Variants in ARID3A observed in about 807,000 individuals in gnomAD.
ARID3A encodes AT-rich interaction domain 3A.
ARID3A carries 11 observed loss-of-function variants against 52.7 expected under a neutral mutation model. The observed-to-expected ratio is 0.21, with a 90% confidence interval of 0.13 to 0.35. ARID3A has a LOEUF of 0.35. Among genes scored for constraint, ARID3A ranks in the 10% least tolerant of loss-of-function variants. The pLI, the probability that ARID3A is intolerant of heterozygous loss-of-function variation, is 1.00. For missense variants in ARID3A, 721 were observed against 838.5 expected, an observed-to-expected ratio of 0.86 and a Z score of 1.73; for synonymous variants, 404 against 359.4, an observed-to-expected ratio of 1.12 and a Z score of -1.40.
At position 960,595 on chromosome 19, in the gene ARID3A, C is replaced by T. The variant is rs1016374258; in HGVS notation, c.766+431C>T. On this transcript the variant is annotated intron_variant, in intron 4 of 8. Coordinates refer to ENST00000263620, the MANE Select transcript of ARID3A (RefSeq NM_005224.3). This position sits in a 1 kb window ranked among gnomAD's most constrained non-coding sequence, Gnocchi z 4.3. ...GCAGGACAGAAGCCCCCCGCCCGGC[C>T]GCGAGATGGCTTAGAGTCTAATGAT... Among the ~76,000 whole-genome samples the T allele has an allele frequency of 3.9e-5, 6 of 152,120 alleles. No homozygotes were observed. The highest frequency in any genetic ancestry group is 2.1e-4 in the South Asian group (1 of 4,818).
chr19:964,965 C>T lies in ARID3A; in HGVS notation c.1083C>T (p.Tyr361=), dbSNP rs780734045. Residue 361 remains tyrosine (Y), a synonymous_variant, in exon 6 of 9, where the codon TAC becomes TAT. Coordinates refer to ENST00000263620, the MANE Select transcript of ARID3A (RefSeq NM_005224.3). This position sits in a 1 kb window ranked among gnomAD's most constrained non-coding sequence, Gnocchi z 5.7. The part of the protein sequence containing the change: ...RQSFGGSLFA[Y]SPGGAHGMLS... ...GCTTTGGTGGCTCCCTCTTTGCCTA[C>T]TCGCCAGGCGGGGCACACGGCATGC... 18 of 1,613,790 alleles carry T rather than the reference C, an allele frequency of 1.1e-5. No homozygotes were observed. Among genetic ancestry groups the T allele is most frequent in the Admixed American group, 3.3e-5 (2 of 59,992 alleles).
At chr19:948,463 G>A (rs943351365) in intron 3 of ARID3A, among the ~76,000 whole-genome samples, 5 of 152,148 alleles carry the variant, frequency 3.3e-5, no homozygotes, top group Non-Finnish European at 5.9e-5. Context: ...GCCAGCTTCC[G>A]CTTCTTGATG....
At chr19:956,241 G>C (rs985609552) in intron 3 of ARID3A, among the ~76,000 whole-genome samples, 3 of 152,136 alleles carry the variant, frequency 2.0e-5, no homozygotes, top group Non-Finnish European at 4.4e-5. Flanking sequence ...TGGCAAGCTC[G>C]TCCTGTCCCC....
At chr19:946,596 A>G (rs952660061) in intron 3 of ARID3A, among the ~76,000 whole-genome samples, 4 of 151,398 alleles carry the variant, frequency 2.6e-5, no homozygotes, top group African/African-American at 9.7e-5. Flanking sequence ...GCCCGCCACC[A>G]TGCCCGGCTA....
chr19:949,351 CG>C (rs747927906), intron 3 of ARID3A, among the ~76,000 whole-genome samples: 6 of 151,528 alleles, frequency 4.0e-5, no homozygotes, highest in Non-Finnish European at 7.4e-5. Flanking sequence ...GCCTCTGCCC[CG>C]GGCCTCCGCC....
chr19:932,912 C>G (rs2037363743), intron 3 of ARID3A, among the ~76,000 whole-genome samples, 170 bp downstream of exon 3: 1 of 152,264 alleles, frequency 6.6e-6, no homozygotes, highest in East Asian at 1.9e-4. Flanking sequence ...GTGGGCTCGA[C>G]CAGCTGGCTG....
rs1275413691 is a variant in ARID3A, at chr19:959,602, C to G, written c.694-490C>G. 6.6e-6 allele frequency among the ~76,000 whole-genome samples: 1 copy of G among 152,124 alleles called. No individual in the cohort carries two copies. Among genetic ancestry groups the G allele is most frequent in the African/African-American group, 2.4e-5 (1 of 41,436 alleles). Reference sequence around the variant, plus strand: ...GGTTTTGGACTTCTGGGCTCCGGGACCGCGGGAGAATAGATTTCTGTTGCT... The same window carrying G: ...GGTTTTGGACTTCTGGGCTCCGGGAGCGCGGGAGAATAGATTTCTGTTGCT... On this transcript the variant is annotated intron_variant, in intron 3 of 8. Coordinates refer to ENST00000263620, the MANE Select transcript of ARID3A (RefSeq NM_005224.3). The surrounding 1 kb of genome is among the most constrained non-coding windows in gnomAD (Gnocchi z 5.0).
intron 1 of ARID3A, among the ~76,000 whole-genome samples, chr19:927,572 C>T (rs2037228047): frequency 6.6e-6 from 1 of 150,792 alleles, no homozygotes. Context: ...AGAGGGGGGG[C>T]TTTGCTTGGA....
chr19:933,499 C>A (rs909921628), intron 3 of ARID3A, among the ~76,000 whole-genome samples: 1 of 152,184 alleles, frequency 6.6e-6, no homozygotes, highest in African/African-American at 2.4e-5. Context: ...CCTCTGGGCG[C>A]GGCTGGGGGG....
At position 964,509 on chromosome 19, in the gene ARID3A, G is replaced by A. The variant is rs1368273621; in HGVS notation, c.950+78G>A. On this transcript the variant is annotated intron_variant, in intron 5 of 8. Coordinates refer to ENST00000263620, the MANE Select transcript of ARID3A (RefSeq NM_005224.3). This position sits in a 1 kb window ranked among gnomAD's most constrained non-coding sequence, Gnocchi z 5.7. The stretch of plus-strand genomic sequence containing the variant: ...GTGCAAGGGGCCTGCAGAAGAGGGA[G>A]GGGGTGGTGGGCAGCTGCAGAGGAG... 2 of 1,472,706 alleles carry A rather than the reference G, an allele frequency of 1.4e-6. No homozygotes were observed. The highest frequency in any genetic ancestry group is 1.4e-5 in the African/African-American group (1 of 71,692). 91.2% of individuals were successfully genotyped at this position (1,472,706 alleles called of 1,614,324 possible). A position where few individuals can be genotyped will look rare whatever the true frequency, so the allele number is the denominator to read the frequency against.
chr19:941,637 T>C lies in ARID3A; in HGVS notation c.693+8895T>C, dbSNP rs1280337556. On this transcript the variant is annotated intron_variant, in intron 3 of 8. Transcript: ENST00000263620. The surrounding 1 kb of genome is among the most constrained non-coding windows in gnomAD (Gnocchi z 6.9). ...GTGTGCATTTTTTTAACTATAAAGA[T>C]GGGGTCTTGCCATCATGTTGCCCAG... 3.3e-5 allele frequency among the ~76,000 whole-genome samples: 5 copies of C among 152,030 alleles called. No homozygotes were observed. The highest frequency in any genetic ancestry group is 1.5e-5 in the Non-Finnish European group (1 of 68,008).
In ARID3A at chr19:932,661, C is replaced by A; in HGVS notation, c.612C>A (p.His204Gln). 3 of 1,545,032 alleles carry A rather than the reference C, an allele frequency of 1.9e-6. No individual in the cohort carries two copies. Among genetic ancestry groups the A allele is most frequent in the Non-Finnish European group, 2.6e-6 (3 of 1,145,832 alleles). The change falls in exon 3 of 9, where the codon CAC becomes CAA. Residue 204 changes from histidine (H) to glutamine (Q), a missense_variant. This residue lies in a region of ARID3A where 349 missense variants were observed against 297.3 expected (regional missense o/e 1.17). Transcript: ENST00000263620. ...GQERPGPGPA[H>Q]PGGAAHVAPQ... ...AGCGGCCGGGGCCTGGCCCTGCCCACCCCGGAGGGGCCGCCCACGTAGCCC... is the reference window on the plus strand; with the variant it reads ...AGCGGCCGGGGCCTGGCCCTGCCCAACCCGGAGGGGCCGCCCACGTAGCCC...
intron 4 of ARID3A, among the ~76,000 whole-genome samples, chr19:961,554 G>A (rs2038041894): frequency 6.6e-6 from 1 of 152,200 alleles, no homozygotes; most frequent in Non-Finnish European, 1.5e-5. Context: ...CCGAGCTCCT[G>A]GGTCCAAAGC....
intron 3 of ARID3A, among the ~76,000 whole-genome samples, chr19:932,962 C>T (rs1034948810): frequency 5.3e-5 from 8 of 152,102 alleles, no homozygotes; most frequent in Non-Finnish European, 8.8e-5. Context: ...AGCACCCGGC[C>T]GGGTAGGAGA....
In ARID3A at chr19:975,594, G is replaced by GAAA; in HGVS notation, c.*3540_*3542dup. 1.8e-5 allele frequency: 3 copies of GAAA among 163,652 alleles called. No homozygotes were observed. The highest frequency in any genetic ancestry group is 2.5e-5 in the Non-Finnish European group (2 of 78,810). The allele number at this position is 163,652 out of a possible 1,614,324, so 10.1% of individuals were successfully genotyped here. On this transcript the variant is annotated 3_prime_UTR_variant, in exon 9 of 9. Coordinates refer to ENST00000263620, the MANE Select transcript of ARID3A (RefSeq NM_005224.3). The stretch of plus-strand genomic sequence containing the variant: ...ACGCCTGAAACTCAGGTAATAGGAG[G>GAAA]AAAAAAAAAAAAACTTAAAAAAATT...
rs919027317 is a variant in ARID3A, at chr19:941,056, C to T, written c.693+8314C>T. Among the ~76,000 whole-genome samples the T allele has an allele frequency of 3.3e-5, 5 of 152,170 alleles. No individual in the cohort carries two copies. Among genetic ancestry groups the T allele is most frequent in the African/African-American group, 1.2e-4 (5 of 41,540 alleles). ...CGTCGGGTCACCGCCGCGGGGTCAC[C>T]GCCGCCGCGGCCTGGCCCCACGCCC... On this transcript the variant is annotated intron_variant, in intron 3 of 8. Transcript: ENST00000263620. The surrounding 1 kb of genome is among the most constrained non-coding windows in gnomAD (Gnocchi z 6.9).
chr19:929,387 C>A lies in ARID3A; in HGVS notation c.-142C>A. On this transcript the variant is annotated 5_prime_UTR_variant, in exon 2 of 9. Transcript: ENST00000263620. The surrounding 1 kb of genome is among the most constrained non-coding windows in gnomAD (Gnocchi z 6.2). Reference sequence around the variant, plus strand: ...GGCCCCCGCCCCCGCCCCCTGCCACCCTGCACTGCCCCGGCTCCCCCGCGG... The same window carrying A: ...GGCCCCCGCCCCCGCCCCCTGCCACACTGCACTGCCCCGGCTCCCCCGCGG... 1 of 884,618 alleles carries A rather than the reference C, an allele frequency of 1.1e-6. No homozygotes were observed. The allele number at this position is 884,618 out of a possible 1,614,324, so 54.8% of individuals were successfully genotyped here.
chr19:959,066 G>A lies in ARID3A; in HGVS notation c.694-1026G>A, dbSNP rs776232496. On this transcript the variant is annotated intron_variant, in intron 3 of 8. Transcript: ENST00000263620. The surrounding 1 kb of genome is among the most constrained non-coding windows in gnomAD (Gnocchi z 5.0). ...CCTGGGTGTGTGGGAGGCTCCACCC[G>A]TGAGGTGTGTGTGACTCACTGTTTG... Among the ~76,000 whole-genome samples the A allele has an allele frequency of 6.6e-6, 1 of 152,182 alleles. No homozygotes were observed. Among genetic ancestry groups the A allele is most frequent in the Non-Finnish European group, 1.5e-5 (1 of 68,032 alleles).
At position 960,874 on chromosome 19, in the gene ARID3A, G is replaced by A. The variant is rs1473822373; in HGVS notation, c.766+710G>A. Among the ~76,000 whole-genome samples the A allele has an allele frequency of 6.6e-6, 1 of 152,174 alleles. No individual in the cohort carries two copies. Among genetic ancestry groups the A allele is most frequent in the African/African-American group, 2.4e-5 (1 of 41,422 alleles). On this transcript the variant is annotated intron_variant, in intron 4 of 8. Coordinates refer to ENST00000263620, the MANE Select transcript of ARID3A (RefSeq NM_005224.3). This position sits in a 1 kb window ranked among gnomAD's most constrained non-coding sequence, Gnocchi z 4.3. ...GCAGGTCTGGGCTGGTGTCCAGGTG[G>A]GGAAACTGAGGTCCAGACACAAGAC...
Sources: allele counts gnomAD v4.1 joint callset (sites outside exome capture counted in the v4.1 genomes callset), GRCh38; gene constraint gnomAD v4.1.1; regional missense constraint gnomAD v4.1.1; non-coding constraint Gnocchi (gnomAD v3.1); transcripts MANE v1.5; gene names NCBI Gene and HGNC (gene_info 2026-07-23, HGNC 2026-07-21).